Variants in CGNL1 observed in about 807,000 individuals in gnomAD.
The protein encoded by CGNL1 is cingulin-like protein 1.
Under a neutral mutation model 141.2 loss-of-function variants are expected in CGNL1, and 132 were observed. The ratio of observed to expected loss-of-function variants is 0.93; its 90% confidence interval spans 0.81 to 1.08. CGNL1 has a LOEUF of 1.08. CGNL1 is among the 50% of genes least tolerant of loss of function. CGNL1 has a pLI of 0.00. For synonymous variants in CGNL1, 690 were observed against 622.1 expected (o/e 1.11, Z -1.63); for missense variants, 1,870 against 1,588.6 (o/e 1.18, Z -3.01).
At chr15:57,447,747 T>C (rs2063272456) in intron 4 of CGNL1, among the ~76,000 whole-genome samples, 1 of 152,132 alleles carries the variant, frequency 6.6e-6, no homozygotes, top group South Asian at 2.1e-4. Flanking sequence ...CAATTACATG[T>C]ATCTTAGAAA....
chr15:57,400,936 G>A (rs1407158097), intron 1 of CGNL1, among the ~76,000 whole-genome samples: 2 of 138,384 alleles, frequency 1.4e-5, no homozygotes, highest in African/African-American at 5.4e-5. Context: ...GAAAATTGAA[G>A]CATTACAAAA....
intron 14 of CGNL1, among the ~76,000 whole-genome samples, chr15:57,535,017 T>G (rs1206968257): frequency 3.3e-5 from 5 of 152,182 alleles, no homozygotes; most frequent in African/African-American, 1.2e-4. Context: ...TCCAGCAATA[T>G]TAGTGAATGG....
chr15:57,377,375 G>A (rs1348036988), intron 1 of CGNL1, among the ~76,000 whole-genome samples: 2 of 152,172 alleles, frequency 1.3e-5, no homozygotes, highest in Non-Finnish European at 2.9e-5. Context: ...ACTGGTGCCT[G>A]TGTCCCACTC....
intron 1 of CGNL1, among the ~76,000 whole-genome samples, chr15:57,391,187 G>T (rs1706387): frequency 6.6e-6 from 1 of 152,278 alleles, no homozygotes; most frequent in South Asian, 2.1e-4. Flanking sequence ...CCCTGTGGTT[G>T]TCATAGTCTA....
chr15:57,379,334 G>C (rs1027134123), intron 1 of CGNL1, among the ~76,000 whole-genome samples: 2 of 152,166 alleles, frequency 1.3e-5, no homozygotes, highest in Non-Finnish European at 2.9e-5. Context: ...ATATCCTAAA[G>C]TGATTAGAAG....
intron 10 of CGNL1, 119 bp downstream of exon 10, chr15:57,518,616 A>G (rs781020538): frequency 5.9e-6 from 4 of 683,126 alleles, no homozygotes; most frequent in South Asian, 1.8e-5. Flanking sequence ...CCTTTCACCC[A>G]TAATAACCAC....
intron 1 of CGNL1, among the ~76,000 whole-genome samples, chr15:57,415,675 G>C (rs77853058): frequency 4.6e-5 from 7 of 152,226 alleles, no homozygotes; most frequent in African/African-American, 7.2e-5. Context: ...AGGCAGGGTT[G>C]TTCCTGCTTT....
chr15:57,384,059 T>C (rs1265024739), intron 1 of CGNL1, among the ~76,000 whole-genome samples: 5 of 108,638 alleles, frequency 4.6e-5, no homozygotes, highest in South Asian at 3.3e-4. Flanking sequence ...CCTATAAGCT[T>C]TGGGGAGTGG....
At chr15:57,531,939 G>A (rs761318286) in intron 14 of CGNL1, among the ~76,000 whole-genome samples, 160 bp downstream of exon 14, 3 of 152,176 alleles carry the variant, frequency 2.0e-5, no homozygotes, top group African/African-American at 4.8e-5. Flanking sequence ...GCTTCTAGGA[G>A]AGACTTTGAC....
At position 57,444,477 on chromosome 15, in the gene CGNL1, T is replaced by C. The variant is rs28751899; in HGVS notation, c.1803+1999T>C. ...AAATTGCTGAGTTGTGAGTTAGGCATGTGTTTAACTCGTAAATTATACCTG... is the reference window on the plus strand; with the variant it reads ...AAATTGCTGAGTTGTGAGTTAGGCACGTGTTTAACTCGTAAATTATACCTG... On this transcript the variant is annotated intron_variant, in intron 4 of 18. Coordinates refer to ENST00000281282, the MANE Select transcript of CGNL1 (RefSeq NM_032866.5). Among the ~76,000 whole-genome samples the C allele has an allele frequency of 2.1e-3, 321 of 152,266 alleles. 2 individuals carry two copies. Among genetic ancestry groups the C allele is most frequent in the African/African-American group, 7.4e-3 (308 of 41,544 alleles).
intron 1 of CGNL1, among the ~76,000 whole-genome samples, chr15:57,406,493 G>A (rs894213403): frequency 3.9e-5 from 6 of 152,180 alleles, no homozygotes; most frequent in Non-Finnish European, 7.3e-5. Context: ...GGGTGGAGGC[G>A]AGTGGCTCAG....
intron 11 of CGNL1, among the ~76,000 whole-genome samples, chr15:57,523,962 C>T (rs1048967670): frequency 6.6e-6 from 1 of 152,146 alleles, no homozygotes; most frequent in Non-Finnish European, 1.5e-5. Flanking sequence ...GAGTCTCTAC[C>T]TTTGCATCTC....
At chr15:57,453,558 C>A in intron 6 of CGNL1, 125 bp from the exon 7 acceptor site, 1 of 1,261,176 alleles carries the variant, frequency 7.9e-7, no homozygotes. Flanking sequence ...CAGTGCAGAA[C>A]AGAGAATGGG....
chr15:57,472,895 T>C (rs1055252592), intron 8 of CGNL1, among the ~76,000 whole-genome samples: 6 of 152,154 alleles, frequency 3.9e-5, no homozygotes, highest in African/African-American at 7.2e-5. Flanking sequence ...GGGTCAGCGG[T>C]GGGAATACAT....
intron 14 of CGNL1, 146 bp downstream of exon 14, chr15:57,531,925 G>T (rs1274854479): frequency 1.7e-6 from 1 of 589,310 alleles, no homozygotes; most frequent in Non-Finnish European, 3.0e-6. Context: ...CATCACCATA[G>T]TGAGCTTCTA....
intron 1 of CGNL1, among the ~76,000 whole-genome samples, chr15:57,425,468 G>A (rs1416759716): frequency 6.6e-6 from 1 of 152,234 alleles, no homozygotes; most frequent in East Asian, 1.9e-4. Flanking sequence ...CAGGCCAGGT[G>A]CACTGGCTCA....
In CGNL1 at chr15:57,539,505, G is replaced by A. The variant is rs185488367; in HGVS notation, c.3292-4191G>A. ...GTGTGGGCATTTCTTGCACACCCTC[G>A]TGCCCCCTCCAGCCCTGGGTCATAG... On this transcript the variant is annotated intron_variant, in intron 14 of 18. Coordinates refer to ENST00000281282, the MANE Select transcript of CGNL1 (RefSeq NM_032866.5). Among the ~76,000 whole-genome samples, 742 of 152,210 alleles carry A rather than the reference G, an allele frequency of 4.9e-3. 9 individuals carry two copies. Among genetic ancestry groups the A allele is most frequent in the South Asian group, 0.021 (103 of 4,816 alleles).
chr15:57,546,768 A>G (rs1469832310), intron 18 of CGNL1, among the ~76,000 whole-genome samples: 1 of 152,052 alleles, frequency 6.6e-6, no homozygotes, highest in African/African-American at 2.4e-5. Context: ...TCCCCGGGGT[A>G]TGAGGTAAGG....
chr15:57,474,637 G>T, intron 8 of CGNL1, among the ~76,000 whole-genome samples: 1 of 152,146 alleles, frequency 6.6e-6, no homozygotes, highest in Non-Finnish European at 1.5e-5. Context: ...AATTCTCCTA[G>T]TCTTTCTCTG....
Sources: allele counts gnomAD v4.1 joint callset (sites outside exome capture counted in the v4.1 genomes callset), GRCh38; gene constraint gnomAD v4.1.1; transcripts MANE v1.5; gene names NCBI Gene and HGNC (gene_info 2026-07-23, HGNC 2026-07-21).